Variants in RELL1 observed in about 807,000 individuals in gnomAD.
The protein encoded by RELL1 is RELT like 1.
In RELL1, 10 loss-of-function variants were observed where a neutral mutation model predicts 23.0. The observed-to-expected ratio is 0.43, with a 90% CI of 0.27 to 0.74. The LOEUF is 0.74. Ranked by LOEUF, RELL1 falls within the 30% of genes least tolerant of loss-of-function variation. RELL1 has a pLI of 0.19. For missense variants in RELL1, 315 were observed against 364.4 expected, an observed-to-expected ratio of 0.86 and a Z score of 1.10; for synonymous variants, 146 against 146.8, an observed-to-expected ratio of 0.99 and a Z score of 0.04.
chr4:37,661,772 G>T (rs1031295596), intron 1 of RELL1, among the ~76,000 whole-genome samples: 1 of 152,172 alleles, frequency 6.6e-6, no homozygotes, highest in African/African-American at 2.4e-5. Flanking sequence ...CCAAGCTCAA[G>T]AATATGTTGT....
At chr4:37,646,492 T>C (rs1720715074) in intron 3 of RELL1, among the ~76,000 whole-genome samples, 1 of 152,138 alleles carries the variant, frequency 6.6e-6, no homozygotes, top group South Asian at 2.1e-4. Context: ...CTTGGGAAGA[T>C]GTAAAGTTCT....
Position 37,631,536 on chromosome 4 carries a change from T to G in RELL1, c.681-13A>C. 1 of 1,613,462 alleles carries G rather than the reference T, an allele frequency of 6.2e-7. No homozygotes were observed. The highest frequency in any genetic ancestry group is 1.1e-5 in the South Asian group (1 of 90,948). ...TGTAACTCTAAATCTGAGGGGGGAA[T>G]GGGGAGAGGTGATGGGGTTTGCTTT... On this transcript the variant is annotated splice_polypyrimidine_tract_variant and intron_variant, in intron 5 of 6. Coordinates refer to ENST00000454158, the MANE Select transcript of RELL1 (RefSeq NM_001085400.2).
intron 1 of RELL1, among the ~76,000 whole-genome samples, chr4:37,683,476 G>T (rs376788142): frequency 6.6e-6 from 1 of 152,218 alleles, no homozygotes; most frequent in Admixed American, 6.5e-5. Context: ...GCCTATGAAG[G>T]CTGGGCGCGG....
chr4:37,638,531 A>T, intron 3 of RELL1, 27 bp from the exon 4 acceptor site: 3 of 1,540,282 alleles, frequency 1.9e-6, no homozygotes, highest in Non-Finnish European at 2.7e-6. Context: ...AAATTAAAGA[A>T]TTAAAATAGA....
chr4:37,646,255 G>A (rs775243286), intron 3 of RELL1, among the ~76,000 whole-genome samples: 1 of 152,158 alleles, frequency 6.6e-6, no homozygotes, highest in Admixed American at 6.6e-5. Context: ...AACAATAACC[G>A]TAAAGTTTCT....
Position 37,604,928 on chromosome 4 carries a change from C to G in RELL1, c.*4-13711G>C, listed in dbSNP as rs1394192343. The stretch of plus-strand genomic sequence containing the variant: ...ACACACACACACACACAGACACACA[C>G]ACACAGACACACACATACACACACA... On this transcript the variant is annotated intron_variant, in intron 6 of 6. Transcript: ENST00000314117. Among the ~76,000 whole-genome samples the G allele has an allele frequency of 5.4e-3, 319 of 59,448 alleles. 26 individuals carry two copies. The highest frequency in any genetic ancestry group is 0.015 in the Middle Eastern group (2 of 134). The allele number at this position is 59,448 out of a possible 152,430, so 39.0% of individuals were successfully genotyped here.
intron 1 of RELL1, among the ~76,000 whole-genome samples, chr4:37,652,841 T>C (rs1053592474): frequency 4.6e-5 from 7 of 152,194 alleles, no homozygotes; most frequent in African/African-American, 1.4e-4. Flanking sequence ...TAGTGAAGCA[T>C]ATAAATTACA....
At chr4:37,625,888 CAAT>C (rs1206985892) in intron 6 of RELL1, among the ~76,000 whole-genome samples, 2 of 150,596 alleles carry the variant, frequency 1.3e-5, no homozygotes, top group Admixed American at 6.6e-5. Context: ...TAATTTTTGT[CAAT>C]AAAAATAAAT....
Position 37,613,179 on chromosome 4 carries a change from G to T in RELL1, c.*167C>A, listed in dbSNP as rs1719466399. The T allele has an allele frequency of 6.6e-6, 1 of 152,116 alleles. No individual in the cohort carries two copies. The highest frequency in any genetic ancestry group is 2.4e-5 in the African/African-American group (1 of 41,428). The allele number at this position is 152,116 out of a possible 1,614,324, so 9.4% of individuals were successfully genotyped here. A position where few individuals can be genotyped will look rare whatever the true frequency, so the allele number is the denominator to read the frequency against. On this transcript the variant is annotated 3_prime_UTR_variant, in exon 7 of 7. Transcript: ENST00000454158. ...TCTTTCAACCAAAACTTGTTTCAAA[G>T]CAAACTGAATTCTGTATATGGCACA...
intron 3 of RELL1, among the ~76,000 whole-genome samples, chr4:37,644,393 T>C (rs1048075108): frequency 1.3e-5 from 2 of 151,792 alleles, no homozygotes; most frequent in African/African-American, 4.8e-5. Flanking sequence ...ATCTACAAAA[T>C]AGGGTGGTAA....
At chr4:37,598,015 C>G (rs933099279) in intron 6 of RELL1, among the ~76,000 whole-genome samples, 1 of 149,302 alleles carries the variant, frequency 6.7e-6, no homozygotes, top group African/African-American at 2.5e-5. Flanking sequence ...CGTGCTGGTG[C>G]ACTCCAGCCT....
intron 6 of RELL1, chr4:37,623,465 C>A (rs1000118240): frequency 6.5e-6 from 1 of 152,900 alleles, no homozygotes; most frequent in African/African-American, 2.4e-5. Flanking sequence ...CCTCTCACTA[C>A]CTAGCCCTGA....
chr4:37,614,126 GAAGA>G (rs1229465084), intron 6 of RELL1, among the ~76,000 whole-genome samples: 1 of 152,208 alleles, frequency 6.6e-6, no homozygotes, highest in African/African-American at 2.4e-5. Context: ...GCAGAAATAT[GAAGA>G]AATAGCATGA....
At chr4:37,624,283 C>T (rs1046296987) in intron 6 of RELL1, among the ~76,000 whole-genome samples, 3 of 152,200 alleles carry the variant, frequency 2.0e-5, no homozygotes, top group Non-Finnish European at 4.4e-5. Flanking sequence ...CCGAAAACGT[C>T]TCTGTCCAGC....
intron 6 of RELL1, among the ~76,000 whole-genome samples, chr4:37,596,478 A>C (rs1718849217): frequency 6.6e-6 from 1 of 151,806 alleles, no homozygotes; most frequent in South Asian, 2.1e-4. Context: ...AGTTATCAGT[A>C]AAAAGTACTG....
downstream of RELL1, chr4:37,588,533 T>C (rs975255514): frequency 4.0e-6 from 1 of 251,026 alleles, no homozygotes. Flanking sequence ...CAGAAGTCCC[T>C]TCTCTGTCTA....
chr4:37,634,288 A>T (rs1720239019), intron 5 of RELL1, among the ~76,000 whole-genome samples: 1 of 152,270 alleles, frequency 6.6e-6, no homozygotes, highest in Non-Finnish European at 1.5e-5. Context: ...TAACAGACAG[A>T]CACTGGAGGG....
intron 1 of RELL1, among the ~76,000 whole-genome samples, chr4:37,675,955 C>A (rs905591901): frequency 1.3e-5 from 2 of 152,184 alleles, no homozygotes; most frequent in African/African-American, 4.8e-5. Context: ...CTTCTGAACA[C>A]TCAAGTTTGG....
chr4:37,630,279 G>A (rs76833474), intron 6 of RELL1, among the ~76,000 whole-genome samples: 7,408 of 151,706 alleles, frequency 0.049, 229 homozygotes, highest in Non-Finnish European at 0.072. Context: ...CACTCAAGCC[G>A]GAACAGAAAT....
Sources: gnomAD v4.1 joint callset for allele counts (sites outside exome capture counted in the v4.1 genomes callset) on GRCh38, gnomAD v4.1.1 for gene constraint, MANE v1.5 for transcripts, NCBI Gene and HGNC (gene_info 2026-07-23, HGNC 2026-07-21) for gene names.